Variants in ANKH observed in about 807,000 individuals in gnomAD.
ANKH encodes ANKH inorganic pyrophosphate transport regulator, also known as mineralization regulator ANKH.
A neutral mutation model predicts 49.0 loss-of-function variants in ANKH; 15 were observed. The ratio of observed to expected loss-of-function variants is 0.31; its 90% CI spans 0.20 to 0.47. The LOEUF (loss-of-function observed/expected upper bound fraction) is 0.47, where lower values mean the gene tolerates loss of function less well. Among genes scored for constraint, ANKH ranks in the 20% least tolerant of loss-of-function variants. The pLI, the probability that ANKH is intolerant of heterozygous loss-of-function variation, is 1.00. For missense variants in ANKH, 429 were observed against 652.0 expected (o/e 0.66, Z 3.72); for synonymous variants, 273 against 260.0 (o/e 1.05, Z -0.48).
intron 8 of ANKH, among the ~76,000 whole-genome samples, chr5:14,739,376 G>A (rs1200497912): frequency 2.0e-5 from 3 of 152,078 alleles, no homozygotes; most frequent in Admixed American, 6.5e-5. Context: ...GAGATCATGC[G>A]CCTGCACTCC....
At chr5:14,757,426 ATATAT>A (rs1359262917) in intron 3 of ANKH, among the ~76,000 whole-genome samples, 1 of 130,132 alleles carries the variant, frequency 7.7e-6, no homozygotes, top group Admixed American at 7.7e-5. Context: ...ATATATATAT[ATATAT>A]TTTTTTTTTT....
chr5:14,840,648 T>C lies in ANKH; in HGVS notation c.96+30704A>G, dbSNP rs553401595. ...TGAATTTGCTTCATAAGGTGGTTTC[T>C]AGAAATGACAAATGATCTGATTTAG... On this transcript the variant is annotated intron_variant, in intron 1 of 11. Transcript: ENST00000284268. Among the ~76,000 whole-genome samples the C allele has an allele frequency of 2.0e-5, 3 of 152,356 alleles. No individual in the cohort carries two copies. The South Asian group carries it at 6.2e-4, about 32-fold the overall frequency.
chr5:14,809,699 A>T (rs1740821741), intron 1 of ANKH, among the ~76,000 whole-genome samples: 1 of 152,202 alleles, frequency 6.6e-6, no homozygotes, highest in Non-Finnish European at 1.5e-5. Context: ...TGACCTGAAA[A>T]TGTTCAATTC....
chr5:14,709,082 CAG>C lies in ANKH; in HGVS notation c.*2113_*2114del, dbSNP rs1357810573. 2 of 152,220 alleles carry C rather than the reference CAG, an allele frequency of 1.3e-5. No individual in the cohort carries two copies. The highest frequency in any genetic ancestry group is 4.8e-5 in the African/African-American group (2 of 41,512). 9.4% of individuals were successfully genotyped at this position (152,220 alleles called of 1,614,324 possible). A position where few individuals can be genotyped will look rare whatever the true frequency, so the allele number is the denominator to read the frequency against. On this transcript the variant is annotated 3_prime_UTR_variant, in exon 12 of 12. Coordinates refer to ENST00000284268, the MANE Select transcript of ANKH (RefSeq NM_054027.6). ...CTAATTTTTATGTTTTTAGTAGAGACAGGGTTTTGCCATGTTGGCCAGGCTGG... is the reference window on the plus strand; with the variant it reads ...CTAATTTTTATGTTTTTAGTAGAGACGGTTTTGCCATGTTGGCCAGGCTGG...
chr5:14,751,848 C>CA (rs1738730737), intron 4 of ANKH, among the ~76,000 whole-genome samples: 3 of 152,194 alleles, frequency 2.0e-5, no homozygotes, highest in Non-Finnish European at 1.5e-5. Context: ...TGCATGGAAT[C>CA]TATTTACTCA....
At chr5:14,789,905 T>C (rs1310920686) in intron 1 of ANKH, among the ~76,000 whole-genome samples, 1 of 152,238 alleles carries the variant, frequency 6.6e-6, no homozygotes, top group Non-Finnish European at 1.5e-5. Context: ...AGATTGGGTT[T>C]CACCATGTTG....
At chr5:14,858,489 GT>G (rs1304760879) in intron 1 of ANKH, among the ~76,000 whole-genome samples, 1 of 152,188 alleles carries the variant, frequency 6.6e-6, no homozygotes, top group Non-Finnish European at 1.5e-5. Context: ...GGCCAAGGGG[GT>G]GCGGATCACA....
At chr5:14,809,466 G>C (rs547331193) in intron 1 of ANKH, among the ~76,000 whole-genome samples, 1 of 152,178 alleles carries the variant, frequency 6.6e-6, no homozygotes, top group African/African-American at 2.4e-5. Context: ...TCTCAGAAGG[G>C]AGGATGACTT....
At chr5:14,815,917 G>A (rs1741022648) in intron 1 of ANKH, among the ~76,000 whole-genome samples, 1 of 152,192 alleles carries the variant, frequency 6.6e-6, no homozygotes, top group Admixed American at 6.5e-5. Context: ...ACCAGGCCAA[G>A]GTGGGCAGGT....
chr5:14,758,747 A>G, intron 2 of ANKH, 149 bp from the exon 3 acceptor site: 1 of 684,348 alleles, frequency 1.5e-6, no homozygotes, highest in South Asian at 1.7e-5. Flanking sequence ...ATCATCTACA[A>G]TCTCATCCCT....
chr5:14,776,954 A>G (rs1739644441), intron 1 of ANKH, among the ~76,000 whole-genome samples: 1 of 152,212 alleles, frequency 6.6e-6, no homozygotes, highest in Non-Finnish European at 1.5e-5. Flanking sequence ...TCTCTACACA[A>G]TGGGCACTTA....
intron 1 of ANKH, among the ~76,000 whole-genome samples, chr5:14,793,452 GGTGA>G (rs1404157318): frequency 2.6e-5 from 4 of 152,128 alleles, no homozygotes; most frequent in Admixed American, 2.0e-4. Context: ...CTGGCAGTGT[GGTGA>G]GGACTGCAGG....
Position 14,709,519 on chromosome 5 carries a change from C to G in ANKH, c.*1678G>C, listed in dbSNP as rs1479431671. The stretch of plus-strand genomic sequence containing the variant: ...GGCATGTTCACAGCTAACATTATGC[C>G]CTTGCATTCTTTTTTGCTGTGAGGA... On this transcript the variant is annotated 3_prime_UTR_variant, in exon 12 of 12. Transcript: ENST00000284268. 2 of 152,120 alleles carry G rather than the reference C, an allele frequency of 1.3e-5. No homozygotes were observed. Among genetic ancestry groups the G allele is most frequent in the African/African-American group, 4.8e-5 (2 of 41,410 alleles). The allele number at this position is 152,120 out of a possible 1,614,324, so 9.4% of individuals were successfully genotyped here. A position where few individuals can be genotyped will look rare whatever the true frequency, so the allele number is the denominator to read the frequency against.
intron 1 of ANKH, among the ~76,000 whole-genome samples, chr5:14,787,926 G>T (rs1740032767): frequency 1.3e-5 from 2 of 152,176 alleles, no homozygotes; most frequent in African/African-American, 4.8e-5. Flanking sequence ...CCTTCTCCCT[G>T]TTGGACTCAC....
chr5:14,799,792 G>A (rs975947322), intron 1 of ANKH, among the ~76,000 whole-genome samples: 1 of 152,188 alleles, frequency 6.6e-6, no homozygotes, highest in African/African-American at 2.4e-5. Flanking sequence ...GGAGATTTAT[G>A]TTGTTTTCAT....
At chr5:14,727,562 C>G (rs994306908) in intron 8 of ANKH, among the ~76,000 whole-genome samples, 1 of 151,860 alleles carries the variant, frequency 6.6e-6, no homozygotes, top group East Asian at 1.9e-4. Context: ...GAGGGTTGTC[C>G]AACTCCTATT....
At position 14,730,726 on chromosome 5, in the gene ANKH, C is replaced by T. The variant is rs760393527; in HGVS notation, c.1011+11101G>A. On this transcript the variant is annotated intron_variant, in intron 8 of 11. Coordinates refer to ENST00000284268, the MANE Select transcript of ANKH (RefSeq NM_054027.6). ...AGCGTACTTGCCAGCAAGAAGCGAGCGCCAGGAGTGCAGGAGAAGGACCCC... is the reference window on the plus strand; with the variant it reads ...AGCGTACTTGCCAGCAAGAAGCGAGTGCCAGGAGTGCAGGAGAAGGACCCC... Among the ~76,000 whole-genome samples, 78 of 152,328 alleles carry T rather than the reference C, an allele frequency of 5.1e-4. 2 individuals are homozygous for T. Among genetic ancestry groups the T allele is most frequent in the Admixed American group, 5.9e-4 (9 of 15,306 alleles).
At chr5:14,866,399 C>T (rs1735647016) in intron 1 of ANKH, among the ~76,000 whole-genome samples, 1 of 152,196 alleles carries the variant, frequency 6.6e-6, no homozygotes, top group Non-Finnish European at 1.5e-5. Context: ...TTTTCTCCTT[C>T]AAGGTCTTCA....
At chr5:14,835,081 T>A (rs1287668256) in intron 1 of ANKH, among the ~76,000 whole-genome samples, 1 of 152,240 alleles carries the variant, frequency 6.6e-6, no homozygotes, top group Non-Finnish European at 1.5e-5. Flanking sequence ...CCATTACTTC[T>A]GATACTAGTA....
Sources: gnomAD v4.1 joint callset for allele counts (sites outside exome capture counted in the v4.1 genomes callset) on GRCh38, gnomAD v4.1.1 for gene constraint, MANE v1.5 for transcripts, NCBI Gene and HGNC (gene_info 2026-07-23, HGNC 2026-07-21) for gene names.